Variants in ACIN1 observed in about 807,000 individuals in gnomAD.
ACIN1 encodes apoptotic chromatin condensation inducer 1.
Under a neutral mutation model 146.6 loss-of-function variants are expected in ACIN1, and 16 were observed. The ratio of observed to expected loss-of-function variants is 0.11; its 90% confidence interval spans 0.07 to 0.17. The LOEUF (loss-of-function observed/expected upper bound fraction) is 0.17. Among genes scored for constraint, ACIN1 ranks in the 10% least tolerant of loss-of-function variants. ACIN1 has a pLI of 1.00. For synonymous variants in ACIN1, 569 were observed against 582.7 expected (o/e 0.98, Z 0.34); for missense variants, 1,357 against 1,609.3 (o/e 0.84, Z 2.68).
chr14:23,092,801 G>A (rs893770334), intron 2 of ACIN1, among the ~76,000 whole-genome samples: 5 of 152,174 alleles, frequency 3.3e-5, no homozygotes, highest in African/African-American at 4.8e-5. Flanking sequence ...GTTTAAGAGA[G>A]GAGTATGAGC....
chr14:23,082,822 C>T (rs2047982179), intron 4 of ACIN1, among the ~76,000 whole-genome samples: 1 of 151,838 alleles, frequency 6.6e-6, no homozygotes. Context: ...TCACCACAAC[C>T]TCCGCCTCCC....
chr14:23,080,104 G>A lies in ACIN1; in HGVS notation c.1231C>T (p.His411Tyr). 1.2e-6 allele frequency: 2 copies of A among 1,614,192 alleles called. No individual in the cohort carries two copies. The highest frequency in any genetic ancestry group is 1.3e-5 in the African/African-American group (1 of 75,034). ...AGGCCTCCTACCAACTGGACAGTAT[G>A]CTGAGATACTAATAGCTCCCTGGTG... is the stretch of plus-strand genomic sequence containing the variant. Reference protein sequence around the residue: ...ADTRELLVSQHTVQLVGGLSP... With the variant: ...ADTRELLVSQYTVQLVGGLSP... The change falls in exon 6 of 19, where the codon CAT becomes TAT. Residue 411 changes from histidine (H) to tyrosine (Y), a missense_variant. Transcript: ENST00000605057.
At chr14:23,093,618 C>G in intron 1 of ACIN1, 74 bp from the exon 2 acceptor site, 1 of 1,268,024 alleles carries the variant, frequency 7.9e-7, no homozygotes, top group Non-Finnish European at 1.1e-6. Flanking sequence ...TCTACCACAA[C>G]CTCTAAATTA....
intron 13 of ACIN1, 126 bp downstream of exon 13, chr14:23,063,310 G>GA (rs2047346310): frequency 1.5e-6 from 2 of 1,310,232 alleles, no homozygotes; most frequent in African/African-American, 1.5e-5. Flanking sequence ...ATATGTAGGA[G>GA]AAAGATATGA....
In ACIN1 at chr14:23,059,292, TTCTCTC is replaced by T; in HGVS notation, c.3702_3707del (p.Glu1238_Arg1239del). ...CTCGGTCCCCCCTGTCCCGCTCCCTTTCTCTCTCTCTCTCCCTGTCCCTCTCCCGAC... is the reference window on the plus strand; with the variant it reads ...CTCGGTCCCCCCTGTCCCGCTCCCTTTCTCTCTCCCTGTCCCTCTCCCGAC... On this transcript the variant is annotated inframe_deletion, in exon 19 of 19. Coordinates refer to ENST00000605057, the MANE Select transcript of ACIN1 (RefSeq NM_001386863.1). 1 of 1,578,174 alleles carries T rather than the reference TTCTCTC, an allele frequency of 6.3e-7. No homozygotes were observed. Among genetic ancestry groups the T allele is most frequent in the African/African-American group, 1.3e-5 (1 of 74,136 alleles).
chr14:23,083,428 AC>A (rs2048001438), intron 4 of ACIN1, among the ~76,000 whole-genome samples: 1 of 152,140 alleles, frequency 6.6e-6, no homozygotes, highest in Non-Finnish European at 1.5e-5. Context: ...CAAATTTCCT[AC>A]CAGAATTAAG....
Position 23,068,319 on chromosome 14 carries a change from C to A in ACIN1, c.2265+1157G>T. 1 of 985,952 alleles carries A rather than the reference C, an allele frequency of 1.0e-6. No homozygotes were observed. Among genetic ancestry groups the A allele is most frequent in the Non-Finnish European group, 1.2e-6 (1 of 829,980 alleles). The allele number at this position is 985,952 out of a possible 1,614,324, so 61.1% of individuals were successfully genotyped here. On this transcript the variant is annotated intron_variant, in intron 9 of 18. Coordinates refer to ENST00000605057, the MANE Select transcript of ACIN1 (RefSeq NM_001386863.1). This position sits in a 1 kb window ranked among gnomAD's most constrained non-coding sequence, Gnocchi z 4.3. Reference sequence around the variant, plus strand: ...AGGCAACCCACAGTCCTCAAAAGGGCAAGGGCATGTGGGCAGGCGCCCCAG... The same window carrying A: ...AGGCAACCCACAGTCCTCAAAAGGGAAAGGGCATGTGGGCAGGCGCCCCAG...
chr14:23,059,292 T>C lies in ACIN1; in HGVS notation c.3708A>G (p.Glu1236=), dbSNP rs772146776. 93 of 1,578,070 alleles carry C rather than the reference T, an allele frequency of 5.9e-5. No homozygotes were observed. Among genetic ancestry groups the C allele is most frequent in the Admixed American group, 8.4e-5 (5 of 59,762 alleles). ...CTCGGTCCCCCCTGTCCCGCTCCCT[T>C]TCTCTCTCTCTCTCCCTGTCCCTCT... is the stretch of plus-strand genomic sequence containing the variant. ...SRERDRERER[E]RERDRGDRDR... Residue 1236 remains glutamate (E), a synonymous_variant, in exon 19 of 19, where the codon GAA becomes GAG. Transcript: ENST00000605057.
chr14:23,069,652 G>GCCCCCCC, intron 8 of ACIN1, 35 bp from the exon 9 acceptor site: 1 of 577,974 alleles, frequency 1.7e-6, no homozygotes, highest in Non-Finnish European at 3.3e-6. Context: ...GGGGGGGCGG[G>GCCCCCCC]CAGAAAAGAA....
At chr14:23,078,308 A>G in intron 7 of ACIN1, 42 bp from the exon 8 acceptor site, 1 of 1,574,304 alleles carries the variant, frequency 6.4e-7, no homozygotes, top group Non-Finnish European at 8.7e-7. Context: ...AAACATTTAG[A>G]TCTGCTTGGT....
chr14:23,083,514 C>T (rs371645791), intron 4 of ACIN1, among the ~76,000 whole-genome samples: 2 of 152,036 alleles, frequency 1.3e-5, no homozygotes, highest in African/African-American at 4.8e-5. Flanking sequence ...AGGCGGATCA[C>T]GACGTCAGGA....
Position 23,080,294 on chromosome 14 carries a change from T to G in ACIN1, c.1041A>C (p.Pro347=), listed in dbSNP as rs749280510. ...TCTCCTCCTCGCTGGCAGTTTGCTC[T>G]GGCAGCGCTACAAGTGAGGCCTTCT... is the stretch of plus-strand genomic sequence containing the variant. The part of the protein sequence containing the change: ...DRKKASLVAL[P]EQTASEEETP... Residue 347 remains proline (P), a synonymous_variant, in exon 6 of 19, where the codon CCA becomes CCC. Coordinates refer to ENST00000605057, the MANE Select transcript of ACIN1 (RefSeq NM_001386863.1). 6.2e-7 allele frequency: 1 copy of G among 1,614,228 alleles called. No homozygotes were observed.
At chr14:23,064,915 G>T (rs893084188) in intron 10 of ACIN1, among the ~76,000 whole-genome samples, 3 of 103,626 alleles carry the variant, frequency 2.9e-5, no homozygotes, top group Admixed American at 1.8e-4. Flanking sequence ...AAAAAGAAAA[G>T]AAATCATATT....
At chr14:23,088,531 C>T (rs1422098203) in intron 4 of ACIN1, among the ~76,000 whole-genome samples, 1 of 152,130 alleles carries the variant, frequency 6.6e-6, no homozygotes, top group East Asian at 1.9e-4. Flanking sequence ...AAGAGTCTAT[C>T]GCTGCTCAGC....
At position 23,068,867 on chromosome 14, in the gene ACIN1, G is replaced by A. The variant is rs1013143621; in HGVS notation, c.2265+609C>T. The A allele has an allele frequency of 3.0e-5, 30 of 985,246 alleles. No homozygotes were observed. Among genetic ancestry groups the A allele is most frequent in the Non-Finnish European group, 3.5e-5 (29 of 829,940 alleles). The allele number at this position is 985,246 out of a possible 1,614,324, so 61.0% of individuals were successfully genotyped here. A position where few individuals can be genotyped will look rare whatever the true frequency, so the allele number is the denominator to read the frequency against. On this transcript the variant is annotated intron_variant, in intron 9 of 18. Transcript: ENST00000605057. This position sits in a 1 kb window ranked among gnomAD's most constrained non-coding sequence, Gnocchi z 4.3. ...TTACTTTAAGAGCCAAGAAGACTTCGCTGGCTCTGATGGGGGAAGCCCCCT... is the reference window on the plus strand; with the variant it reads ...TTACTTTAAGAGCCAAGAAGACTTCACTGGCTCTGATGGGGGAAGCCCCCT...
intron 4 of ACIN1, among the ~76,000 whole-genome samples, chr14:23,089,465 T>C (rs894297304): frequency 6.6e-6 from 1 of 152,230 alleles, no homozygotes; most frequent in Non-Finnish European, 1.5e-5. Flanking sequence ...ATACTCTGCG[T>C]TGCCTTGCAC....
intron 8 of ACIN1, among the ~76,000 whole-genome samples, chr14:23,070,211 G>A (rs1244602829): frequency 1.5e-5 from 2 of 137,074 alleles, no homozygotes; most frequent in African/African-American, 5.4e-5. Flanking sequence ...GGTGGGGGGT[G>A]CGGGGCGGGG....
In ACIN1 at chr14:23,081,847, A is replaced by C; in HGVS notation, c.437-11T>G. 1.3e-6 allele frequency: 2 copies of C among 1,599,082 alleles called. No individual in the cohort carries two copies. The highest frequency in any genetic ancestry group is 4.5e-5 in the East Asian group (2 of 44,824). ...TTGAGGAGCTTTTTCCTATTGAATGAAAAAGAATCAAGTCAGATTCATGAA... is the reference window on the plus strand; with the variant it reads ...TTGAGGAGCTTTTTCCTATTGAATGCAAAAGAATCAAGTCAGATTCATGAA... On this transcript the variant is annotated splice_polypyrimidine_tract_variant and intron_variant, in intron 4 of 18. Coordinates refer to ENST00000605057, the MANE Select transcript of ACIN1 (RefSeq NM_001386863.1).
intron 5 of ACIN1, among the ~76,000 whole-genome samples, chr14:23,081,302 T>C (rs1189562801): frequency 6.6e-6 from 1 of 152,240 alleles, no homozygotes; most frequent in Non-Finnish European, 1.5e-5. Flanking sequence ...TGGTTAATTA[T>C]GTCATATCTT....
Sources: gnomAD v4.1 joint callset for allele counts (sites outside exome capture counted in the v4.1 genomes callset) on GRCh38, gnomAD v4.1.1 for gene constraint, Gnocchi (gnomAD v3.1) non-coding constraint, MANE v1.5 for transcripts, NCBI Gene and HGNC (gene_info 2026-07-23, HGNC 2026-07-21) for gene names.